The following THSD7A variants were observed in gnomAD, a reference collection of about 807,000 sequenced individuals.
THSD7A encodes the protein thrombospondin type-1 domain-containing protein 7A.
A neutral mutation model predicts 231.3 loss-of-function variants in THSD7A; 96 were observed. The observed-to-expected ratio is 0.41, with a 90% CI of 0.35 to 0.49. THSD7A has a LOEUF of 0.49. Among genes scored for constraint, THSD7A ranks in the 20% least tolerant of loss-of-function variants. The pLI is 0.05. For missense variants in THSD7A, 2,290 were observed against 2,070.2 expected (o/e 1.11, Z -2.06); for synonymous variants, 940 against 743.3 (o/e 1.26, Z -4.30).
At chr7:11,699,779 G>A (rs1780523603) in intron 1 of THSD7A, among the ~76,000 whole-genome samples, 1 of 151,334 alleles carries the variant, frequency 6.6e-6, no homozygotes, top group South Asian at 2.1e-4. Flanking sequence ...TAACTGAAGT[G>A]TGACAGCTAT....
At chr7:11,547,864 G>C (rs1454688901) in intron 4 of THSD7A, among the ~76,000 whole-genome samples, 1 of 152,156 alleles carries the variant, frequency 6.6e-6, no homozygotes, top group Non-Finnish European at 1.5e-5. Flanking sequence ...AGCTAAAGCA[G>C]TGTTAAGAAA....
At chr7:11,583,407 G>C (rs1017437680) in intron 4 of THSD7A, among the ~76,000 whole-genome samples, 7 of 152,072 alleles carry the variant, frequency 4.6e-5, no homozygotes, top group Admixed American at 1.3e-4. Flanking sequence ...CTCCCATGTA[G>C]ATGGGACTAC....
Position 11,653,864 on chromosome 7 carries a change from A to T in THSD7A, c.191-16903T>A, listed in dbSNP as rs188839429. 1.5e-3 allele frequency among the ~76,000 whole-genome samples: 228 copies of T among 152,056 alleles called. 2 individuals are homozygous for T. Among genetic ancestry groups the T allele is most frequent in the Admixed American group, 0.014 (209 of 15,230 alleles). ...ATTTACCTTACTGTTTGCTTCTCAT[A>T]ATGTTACTATAAAAATACAATGAAA... is the stretch of plus-strand genomic sequence containing the variant. On this transcript the variant is annotated intron_variant, in intron 1 of 27. Coordinates refer to ENST00000423059, the MANE Select transcript of THSD7A (RefSeq NM_015204.3).
chr7:11,399,510 T>C (rs924712827), intron 23 of THSD7A, among the ~76,000 whole-genome samples: 1 of 152,200 alleles, frequency 6.6e-6, no homozygotes, highest in Non-Finnish European at 1.5e-5. Flanking sequence ...TTGCATTCCA[T>C]TTCCTTTTTG....
At chr7:11,497,645 A>G (rs116351425) in intron 6 of THSD7A, among the ~76,000 whole-genome samples, 3 of 152,334 alleles carry the variant, frequency 2.0e-5, no homozygotes, top group African/African-American at 7.2e-5. Flanking sequence ...TATCTTAAGA[A>G]TAACTGTTGA....
chr7:11,508,352 TA>T, intron 6 of THSD7A, among the ~76,000 whole-genome samples: 1 of 151,866 alleles, frequency 6.6e-6, no homozygotes, highest in Non-Finnish European at 1.5e-5. Context: ...GGTAAATGCA[TA>T]TAAAACCACA....
At chr7:11,780,170 T>C (rs1346731843) in intron 1 of THSD7A, among the ~76,000 whole-genome samples, 1 of 152,182 alleles carries the variant, frequency 6.6e-6, no homozygotes, top group East Asian at 1.9e-4. Flanking sequence ...TTACCATGTC[T>C]CTTCTTGTAA....
At chr7:11,592,237 T>G (rs1360067549) in intron 3 of THSD7A, among the ~76,000 whole-genome samples, 4 of 152,172 alleles carry the variant, frequency 2.6e-5, no homozygotes, top group Non-Finnish European at 5.9e-5. Context: ...TGCTGCAGAA[T>G]TATATATCTG....
intron 1 of THSD7A, among the ~76,000 whole-genome samples, chr7:11,671,104 G>C (rs897745616): frequency 6.6e-6 from 1 of 152,164 alleles, no homozygotes; most frequent in Non-Finnish European, 1.5e-5. Flanking sequence ...AATACCTGAA[G>C]GCTACAAGAG....
At position 11,814,703 on chromosome 7, in the gene THSD7A, G is replaced by C. The variant is rs1784627518; in HGVS notation, c.190+17054C>G. Reference sequence around the variant, plus strand: ...GAAATTACATTAAATATTGCAGTAAGAGACAGGGAGAGAAATGTATCTTAG... The same window carrying C: ...GAAATTACATTAAATATTGCAGTAACAGACAGGGAGAGAAATGTATCTTAG... On this transcript the variant is annotated intron_variant, in intron 1 of 27. Coordinates refer to ENST00000423059, the MANE Select transcript of THSD7A (RefSeq NM_015204.3). This position sits in a 1 kb window ranked among gnomAD's most constrained non-coding sequence, Gnocchi z 5.1. Among the ~76,000 whole-genome samples, 1 of 152,164 alleles carries C rather than the reference G, an allele frequency of 6.6e-6. No homozygotes were observed. Among genetic ancestry groups the C allele is most frequent in the Non-Finnish European group, 1.5e-5 (1 of 68,022 alleles).
chr7:11,412,592 T>C, intron 18 of THSD7A, 64 bp downstream of exon 18: 1 of 1,589,664 alleles, frequency 6.3e-7, no homozygotes. Context: ...CTGACAGGAA[T>C]GCTTCAGAGC....
At chr7:11,475,654 C>A (rs1424617785) in intron 7 of THSD7A, among the ~76,000 whole-genome samples, 3 of 148,438 alleles carry the variant, frequency 2.0e-5, no homozygotes, top group Admixed American at 6.8e-5. Flanking sequence ...TGTAATGAAT[C>A]CTGCATTCTT....
chr7:11,830,299 G>A (rs1323203361), intron 1 of THSD7A, among the ~76,000 whole-genome samples: 1 of 152,072 alleles, frequency 6.6e-6, no homozygotes, highest in Non-Finnish European at 1.5e-5. Flanking sequence ...ATTTCAACTA[G>A]GCAACTACTA....
At chr7:11,436,578 T>A (rs1326223165) in intron 13 of THSD7A, among the ~76,000 whole-genome samples, 1 of 152,012 alleles carries the variant, frequency 6.6e-6, no homozygotes, top group Non-Finnish European at 1.5e-5. Flanking sequence ...ACATAGCATT[T>A]CACTGGACTA....
At chr7:11,550,120 A>C (rs1377861145) in intron 4 of THSD7A, among the ~76,000 whole-genome samples, 2 of 152,186 alleles carry the variant, frequency 1.3e-5, no homozygotes, top group Non-Finnish European at 2.9e-5. Flanking sequence ...CCCAGACCTG[A>C]TAAGACACTT....
intron 1 of THSD7A, among the ~76,000 whole-genome samples, chr7:11,737,266 G>A (rs558760942): frequency 2.6e-4 from 39 of 151,816 alleles, no homozygotes; most frequent in Non-Finnish European, 4.1e-4. Context: ...GAGAGAACTG[G>A]CTGCTTCTGA....
intron 1 of THSD7A, among the ~76,000 whole-genome samples, chr7:11,755,370 G>C (rs1161818526): frequency 1.3e-5 from 2 of 151,978 alleles, no homozygotes; most frequent in African/African-American, 4.8e-5. Context: ...AAACTATTTG[G>C]TCATAGGCAA....
At chr7:11,777,310 C>T (rs1007546753) in intron 1 of THSD7A, among the ~76,000 whole-genome samples, 2 of 151,804 alleles carry the variant, frequency 1.3e-5, no homozygotes, top group African/African-American at 4.8e-5. Context: ...ACATATTAAA[C>T]AACACAGAAA....
chr7:11,532,082 A>T (rs1328906861), intron 6 of THSD7A, among the ~76,000 whole-genome samples: 2 of 152,068 alleles, frequency 1.3e-5, no homozygotes, highest in Non-Finnish European at 2.9e-5. Flanking sequence ...CTCCTAGAAC[A>T]TTATCTTGAG....
Sources: allele counts gnomAD v4.1 joint callset (sites outside exome capture counted in the v4.1 genomes callset), GRCh38; gene constraint gnomAD v4.1.1; non-coding constraint Gnocchi (gnomAD v3.1); transcripts MANE v1.5; gene names NCBI Gene and HGNC (gene_info 2026-07-23, HGNC 2026-07-21).